The following ALDH2 variants were observed in gnomAD, a reference collection of about 807,000 sequenced individuals.
The protein encoded by ALDH2 is aldehyde dehydrogenase, mitochondrial.
In ALDH2, 44 loss-of-function variants were observed where a neutral mutation model predicts 59.6. The observed-to-expected ratio is 0.74, with a 90% CI of 0.58 to 0.95. The LOEUF (loss-of-function observed/expected upper bound fraction) is 0.95, where lower values mean the gene tolerates loss of function less well. ALDH2 is among the 40% of genes least tolerant of loss of function. ALDH2 has a pLI of 0.00. For synonymous variants in ALDH2, 291 were observed against 284.0 expected, an observed-to-expected ratio of 1.02 and a Z score of -0.25; for missense variants, 570 against 696.3, an observed-to-expected ratio of 0.82 and a Z score of 2.04.
chr12:111,805,261 G>A (rs562981409), intron 12 of ALDH2, among the ~76,000 whole-genome samples: 12 of 152,258 alleles, frequency 7.9e-5, no homozygotes, highest in South Asian at 2.1e-4. Context: ...TTGCATGCCT[G>A]TAGTCCCAGC....
chr12:111,798,775 AG>A, intron 10 of ALDH2, among the ~76,000 whole-genome samples: 1 of 151,948 alleles, frequency 6.6e-6, no homozygotes, highest in South Asian at 2.1e-4. Flanking sequence ...GGGAGGCCGA[AG>A]TGGGTGGATC....
In ALDH2 at chr12:111,792,624, T is replaced by G. The variant is rs900468458; in HGVS notation, c.925T>G (p.Phe309Val). ...GGATTGGGCCGTGGAACAGGCCCAC[T>G]TCGCCCTGTTCTTCAACCAGGGCCA... ...DMDWAVEQAHFALFFNQGQCC... is the reference protein window; with the variant it reads ...DMDWAVEQAHVALFFNQGQCC... The change falls in exon 9 of 13, where the codon TTC becomes GTC. Residue 309 changes from phenylalanine to valine, a missense_variant. Physicochemically the swap from Phe to Val is conservative, Grantham distance 50. Coordinates refer to ENST00000261733, the MANE Select transcript of ALDH2 (RefSeq NM_000690.4). 9 of 1,612,824 alleles carry G rather than the reference T, an allele frequency of 5.6e-6. No individual in the cohort carries two copies. The highest frequency in any genetic ancestry group is 1.7e-5 in the Admixed American group (1 of 59,928).
At chr12:111,784,822 C>T (rs1239421933) in intron 3 of ALDH2, among the ~76,000 whole-genome samples, 1 of 152,132 alleles carries the variant, frequency 6.6e-6, no homozygotes, top group African/African-American at 2.4e-5. Flanking sequence ...CTGTTTTGGT[C>T]AGGCTGGTCT....
In ALDH2 at chr12:111,811,439, G is replaced by A. The variant is rs753474730; in HGVS notation, c.*1864G>A. On this transcript the variant is annotated 3_prime_UTR_variant, in exon 13 of 13. Transcript: ENST00000261733. ...CTACCATCATGTGAAACACCACTCT[G>A]TGATTTGAGTCTTGACAATGTATTT... 2.0e-5 allele frequency: 3 copies of A among 151,694 alleles called. No homozygotes were observed. The highest frequency in any genetic ancestry group is 6.6e-5 in the Admixed American group (1 of 15,212). 9.4% of individuals were successfully genotyped at this position (151,694 alleles called of 1,614,324 possible).
chr12:111,786,475 A>C (rs2068310228), intron 4 of ALDH2, among the ~76,000 whole-genome samples: 2 of 151,658 alleles, frequency 1.3e-5, no homozygotes, highest in South Asian at 2.1e-4. Context: ...TGACCTTGTG[A>C]TCCACCCTCC....
intron 1 of ALDH2, among the ~76,000 whole-genome samples, chr12:111,778,134 C>A (rs1393593518): frequency 6.6e-6 from 1 of 152,206 alleles, no homozygotes; most frequent in Non-Finnish European, 1.5e-5. Flanking sequence ...GCAGAGACTG[C>A]AGACCCTCAC....
chr12:111,784,178 G>A (rs898803035), intron 3 of ALDH2, among the ~76,000 whole-genome samples: 1 of 152,192 alleles, frequency 6.6e-6, no homozygotes, highest in Non-Finnish European at 1.5e-5. Flanking sequence ...GCTGAGTATG[G>A]TGGCATATGC....
Position 111,813,656 on chromosome 12 carries a change from T to TGTTGC in ALDH2, c.*4083_*4087dup, listed in dbSNP as rs1321431707. The TGTTGC allele has an allele frequency of 2.0e-4, 30 of 152,214 alleles. No homozygotes were observed. The highest frequency in any genetic ancestry group is 7.0e-4 in the African/African-American group (29 of 41,442). 9.4% of individuals were successfully genotyped at this position (152,214 alleles called of 1,614,324 possible). A position where few individuals can be genotyped will look rare whatever the true frequency, so the allele number is the denominator to read the frequency against. ...TAAAAAGGAAGGAAGTGCTGATGCA[T>TGTTGC]GTTGCGATGTGGATGAACCTTGAAA... On this transcript the variant is annotated 3_prime_UTR_variant, in exon 13 of 13. Transcript: ENST00000261733.
intron 1 of ALDH2, among the ~76,000 whole-genome samples, chr12:111,772,407 C>T (rs1017155195): frequency 1.3e-5 from 2 of 152,110 alleles, no homozygotes; most frequent in East Asian, 1.9e-4. Context: ...CTCTGTCGCC[C>T]GGGCTGGAGT....
At chr12:111,799,710 A>G (rs1288015321) in intron 10 of ALDH2, 196 bp from the exon 11 acceptor site, 4 of 539,324 alleles carry the variant, frequency 7.4e-6, no homozygotes, top group African/African-American at 1.9e-5. Flanking sequence ...CGGGGCGCAC[A>G]GGAGGAAGTT....
rs1361589599 is a variant in ALDH2 at position 111,811,564 on chromosome 12, C to G, written c.*1989C>G. ...TCTTGGCTCACTGCAACCTCTGCCTCCTGGGTTGGAGCAATTCTCCTGCCT... is the reference window on the plus strand; with the variant it reads ...TCTTGGCTCACTGCAACCTCTGCCTGCTGGGTTGGAGCAATTCTCCTGCCT... On this transcript the variant is annotated 3_prime_UTR_variant, in exon 13 of 13. Transcript: ENST00000261733. 6.6e-6 allele frequency: 1 copy of G among 151,204 alleles called. No individual in the cohort carries two copies. The highest frequency in any genetic ancestry group is 2.0e-4 in the East Asian group (1 of 5,044). The allele number at this position is 151,204 out of a possible 1,614,324, so 9.4% of individuals were successfully genotyped here.
intron 6 of ALDH2, 28 bp downstream of exon 6, chr12:111,790,590 C>G (rs946277963): frequency 5.6e-6 from 9 of 1,613,998 alleles, no homozygotes; most frequent in Non-Finnish European, 7.6e-6. Flanking sequence ...GTCTTAACCT[C>G]TAAATGCCCT....
At chr12:111,776,515 CTT>C (rs2068236466) in intron 1 of ALDH2, among the ~76,000 whole-genome samples, 1 of 151,972 alleles carries the variant, frequency 6.6e-6, no homozygotes, top group Non-Finnish European at 1.5e-5. Context: ...AATCCCAGCA[CTT>C]TAGGAGTCCA....
chr12:111,791,516 G>A, intron 7 of ALDH2, 97 bp downstream of exon 7: 2 of 937,770 alleles, frequency 2.1e-6, no homozygotes, highest in South Asian at 1.5e-5. Context: ...CGGGTGTCAA[G>A]CGGAGGCCTT....
chr12:111,805,884 G>C (rs1465723094), intron 12 of ALDH2, among the ~76,000 whole-genome samples: 1 of 151,438 alleles, frequency 6.6e-6, no homozygotes, highest in Non-Finnish European at 1.5e-5. Flanking sequence ...TTAGCTGGGC[G>C]TGGCGGCACA....
intron 2 of ALDH2, among the ~76,000 whole-genome samples, chr12:111,782,429 T>G (rs1224437790): frequency 6.6e-6 from 1 of 152,260 alleles, no homozygotes; most frequent in Non-Finnish European, 1.5e-5. Flanking sequence ...AAAAATATTT[T>G]GTGTTTTTGG....
intron 1 of ALDH2, among the ~76,000 whole-genome samples, chr12:111,770,161 TG>T (rs1424859363): frequency 2.9e-5 from 4 of 139,434 alleles, no homozygotes; most frequent in Admixed American, 1.4e-4. Flanking sequence ...AAAAAAAATG[TG>T]GGGGGTAAAA....
Position 111,767,043 on chromosome 12 carries a change from G to T in ALDH2, c.61G>T (p.Ala21Ser). The T allele has an allele frequency of 6.5e-7, 1 of 1,527,450 alleles. No homozygotes were observed. The allele number at this position is 1,527,450 out of a possible 1,614,324, so 94.6% of individuals were successfully genotyped here. The change falls in exon 1 of 13, where the codon GCC becomes TCC. Residue 21 changes from alanine (A) to serine (S), a missense_variant. Ala to Ser is a moderately conservative substitution (Grantham distance 99, BLOSUM62 1). Coordinates refer to ENST00000261733, the MANE Select transcript of ALDH2 (RefSeq NM_000690.4). The part of the protein sequence containing the change: ...RLGRRLLSAA[A>S]TQAVPAPNQQ... ...GGGCCGCCGCCTCTTGTCAGCCGCCGCCACCCAGGCCGTGCCTGCCCCCAA... is the reference window on the plus strand; with the variant it reads ...GGGCCGCCGCCTCTTGTCAGCCGCCTCCACCCAGGCCGTGCCTGCCCCCAA...
chr12:111,788,475 G>A (rs1353318054), intron 4 of ALDH2, among the ~76,000 whole-genome samples: 3 of 152,238 alleles, frequency 2.0e-5, no homozygotes, highest in Non-Finnish European at 4.4e-5. Context: ...AACTCCCTCT[G>A]CAAGGACACC....
Sources: gnomAD v4.1 joint callset for allele counts (sites outside exome capture counted in the v4.1 genomes callset) on GRCh38, gnomAD v4.1.1 for gene constraint, MANE v1.5 for transcripts, NCBI Gene and HGNC (gene_info 2026-07-23, HGNC 2026-07-21) for gene names.